Variants in KDM5A observed in about 807,000 individuals in gnomAD.
KDM5A encodes lysine demethylase 5A.
A neutral mutation model predicts 193.5 loss-of-function variants in KDM5A; 42 were observed. That is an observed-to-expected ratio of 0.22 (90% confidence interval 0.17 to 0.28). The LOEUF (loss-of-function observed/expected upper bound fraction) is 0.28, where lower values mean the gene tolerates loss of function less well. Ranked by LOEUF, KDM5A falls within the 10% of genes least tolerant of loss-of-function variation. The pLI is 1.00. For missense variants in KDM5A, 1,692 were observed against 2,055.1 expected (o/e 0.82, Z 3.42); for synonymous variants, 796 against 718.1 (o/e 1.11, Z -1.73).
intron 10 of KDM5A, among the ~76,000 whole-genome samples, chr12:346,750 T>G (rs1296846025): frequency 1.3e-5 from 2 of 152,168 alleles, no homozygotes; most frequent in Non-Finnish European, 2.9e-5. Flanking sequence ...AAACGAGGTA[T>G]TGATGGAATG....
chr12:294,832 C>A (rs894866069), intron 26 of KDM5A, among the ~76,000 whole-genome samples: 2 of 152,176 alleles, frequency 1.3e-5, no homozygotes, highest in African/African-American at 4.8e-5. Context: ...TCTTCATATG[C>A]AGAATGGGTA....
At chr12:347,315 T>C (rs1436147748) in intron 10 of KDM5A, among the ~76,000 whole-genome samples, 1 of 152,148 alleles carries the variant, frequency 6.6e-6, no homozygotes, top group Admixed American at 6.5e-5. Context: ...AGAATCAATA[T>C]AGTGAAAATG....
chr12:302,993 A>G (rs72472276), intron 24 of KDM5A, among the ~76,000 whole-genome samples: 53,440 of 152,054 alleles, frequency 0.35, 10,072 homozygotes, highest in East Asian at 0.58. Flanking sequence ...CTAAAATGGC[A>G]ATCATTAAAA....
At position 302,807 on chromosome 12, in the gene KDM5A, C is replaced by T. The variant is rs941145084; in HGVS notation, c.4074+4139G>A. Among the ~76,000 whole-genome samples, 3 of 152,212 alleles carry T rather than the reference C, an allele frequency of 2.0e-5. No individual in the cohort carries two copies. In the South Asian group the frequency reaches 6.2e-4, roughly 32 times the overall value. ...GCTAATATCCAGAATCTACAAAGAACTTAAACAAATTTACAAGAAAAAAAC... is the reference window on the plus strand; with the variant it reads ...GCTAATATCCAGAATCTACAAAGAATTTAAACAAATTTACAAGAAAAAAAC... On this transcript the variant is annotated intron_variant, in intron 24 of 27. Coordinates refer to ENST00000399788, the MANE Select transcript of KDM5A (RefSeq NM_001042603.3).
At chr12:285,938 A>G (rs922811724) in intron 27 of KDM5A, among the ~76,000 whole-genome samples, 4 of 152,198 alleles carry the variant, frequency 2.6e-5, no homozygotes, top group Admixed American at 2.6e-4. Flanking sequence ...AACATGTTTG[A>G]GAAAAATTTG....
At chr12:289,797 T>C (rs1339928813) in intron 27 of KDM5A, among the ~76,000 whole-genome samples, 6 of 151,724 alleles carry the variant, frequency 4.0e-5, no homozygotes, top group East Asian at 1.9e-4. Context: ...ATAATAGTAA[T>C]TACTGGTCAG....
intron 3 of KDM5A, among the ~76,000 whole-genome samples, chr12:371,185 C>T (rs1193868407): frequency 6.6e-6 from 1 of 152,226 alleles, no homozygotes; most frequent in Non-Finnish European, 1.5e-5. Context: ...CTTGAGGAAT[C>T]ACCACACTGT....
Position 310,770 on chromosome 12 carries a change from T to C in KDM5A, c.3216+115A>G, listed in dbSNP as rs1275139884. ...CCAGATTTCAAGTCAACATCTGATATTACCTAGTAAGAATCACTTGTATAA... is the reference window on the plus strand; with the variant it reads ...CCAGATTTCAAGTCAACATCTGATACTACCTAGTAAGAATCACTTGTATAA... On this transcript the variant is annotated intron_variant, in intron 21 of 27. Transcript: ENST00000399788. 5.2e-6 allele frequency: 6 copies of C among 1,154,570 alleles called. No homozygotes were observed. In the African/African-American group the frequency reaches 6.1e-5, roughly 12 times the overall value. 71.5% of individuals were successfully genotyped at this position (1,154,570 alleles called of 1,614,324 possible).
intron 4 of KDM5A, among the ~76,000 whole-genome samples, chr12:363,658 A>C (rs1204561050): frequency 6.6e-6 from 1 of 152,208 alleles, no homozygotes; most frequent in Non-Finnish European, 1.5e-5. Context: ...CAAAATATAA[A>C]AGCCGAAATT....
intron 26 of KDM5A, 109 bp from the exon 27 acceptor site, chr12:293,278 C>A: frequency 2.2e-6 from 2 of 928,944 alleles, no homozygotes; most frequent in East Asian, 2.7e-5. Flanking sequence ...GACAGAAAGT[C>A]GAACAGAGGT....
At chr12:353,179 C>T (rs952638368) in intron 8 of KDM5A, among the ~76,000 whole-genome samples, 15 of 151,884 alleles carry the variant, frequency 9.9e-5, no homozygotes, top group African/African-American at 3.4e-4. Context: ...CTTGTCTCTA[C>T]AAAAAATACA....
At chr12:322,109 G>A (rs749500876) in intron 17 of KDM5A, among the ~76,000 whole-genome samples, 1 of 152,176 alleles carries the variant, frequency 6.6e-6, no homozygotes, top group Non-Finnish European at 1.5e-5. Flanking sequence ...CTTCAAAGAG[G>A]TAGGTAAGGG....
At chr12:346,234 G>A (rs1157094744) in intron 10 of KDM5A, among the ~76,000 whole-genome samples, 7 of 152,172 alleles carry the variant, frequency 4.6e-5, no homozygotes, top group South Asian at 2.1e-4. Context: ...TTGAATCTCT[G>A]AACAGACCAA....
Position 356,522 on chromosome 12 carries a change from C to A in KDM5A, c.688G>T (p.Val230Leu), listed in dbSNP as rs1944231325. 6.2e-7 allele frequency: 1 copy of A among 1,610,950 alleles called. No homozygotes were observed. The highest frequency in any genetic ancestry group is 1.3e-5 in the African/African-American group (1 of 74,888). Reference sequence around the variant, plus strand: ...TTCTTCAGTTCCGTGTTTCTACTCACATCTCCAGATTCTGACTAAAAAATA... The same window carrying A: ...TTCTTCAGTTCCGTGTTTCTACTCAAATCTCCAGATTCTGACTAAAAAATA... ...RVKTQSESGD[V>L]SRNTELKKLQ... Residue 230 changes from valine (V) to leucine (L), a missense_variant, in exon 6 of 28, where the codon GTG becomes TTG. Coordinates refer to ENST00000399788, the MANE Select transcript of KDM5A (RefSeq NM_001042603.3).
At chr12:388,357 T>C (rs750557664) in intron 1 of KDM5A, 3 of 450,830 alleles carry the variant, frequency 6.7e-6, no homozygotes, top group South Asian at 4.7e-5. Flanking sequence ...CCACCTCCAC[T>C]ATAAACCAAT....
chr12:378,335 G>A (rs6489471), intron 3 of KDM5A, among the ~76,000 whole-genome samples: 106,942 of 151,882 alleles, frequency 0.7, 37,855 homozygotes, highest in Middle Eastern at 0.78. Flanking sequence ...AGAGGTCACT[G>A]TAGCCCCAAA....
At chr12:344,473 C>T (rs1944045458) in intron 10 of KDM5A, among the ~76,000 whole-genome samples, 1 of 152,118 alleles carries the variant, frequency 6.6e-6, no homozygotes, top group African/African-American at 2.4e-5. Context: ...GTCAGATTCA[C>T]CAACGCTGAA....
At chr12:325,233 A>G (rs1363442822) in intron 14 of KDM5A, among the ~76,000 whole-genome samples, 1 of 152,252 alleles carries the variant, frequency 6.6e-6, no homozygotes, top group Non-Finnish European at 1.5e-5. Flanking sequence ...TTCTTAGTTT[A>G]TAAGAATTTA....
intron 3 of KDM5A, among the ~76,000 whole-genome samples, 161 bp from the exon 4 acceptor site, chr12:366,265 G>A (rs1944356024): frequency 6.6e-6 from 1 of 152,140 alleles, no homozygotes; most frequent in Admixed American, 6.5e-5. Flanking sequence ...TTTAGAGTAA[G>A]AAATAGAAAC....
Sources: allele counts gnomAD v4.1 joint callset (sites outside exome capture counted in the v4.1 genomes callset), GRCh38; gene constraint gnomAD v4.1.1; transcripts MANE v1.5; gene names NCBI Gene and HGNC (gene_info 2026-07-23, HGNC 2026-07-21).